The following RTN4 variants were observed in gnomAD, a reference collection of about 807,000 sequenced individuals.
The protein encoded by RTN4 is reticulon 4, also known as reticulon-4.
A neutral mutation model predicts 90.4 loss-of-function variants in RTN4; 32 were observed. The ratio of observed to expected loss-of-function variants is 0.35; its 90% CI spans 0.27 to 0.48. The LOEUF (loss-of-function observed/expected upper bound fraction) is 0.48. Among genes scored for constraint, RTN4 ranks in the 20% least tolerant of loss-of-function variants. RTN4 has a pLI of 0.99. For synonymous variants in RTN4, 629 were observed against 552.5 expected (o/e 1.14, Z -1.94); for missense variants, 1,706 against 1,430.2 (o/e 1.19, Z -3.11).
intron 3 of RTN4, among the ~76,000 whole-genome samples, chr2:55,009,753 C>T (rs1205592056): frequency 6.6e-6 from 1 of 152,148 alleles, no homozygotes; most frequent in Non-Finnish European, 1.5e-5. Context: ...CACTGTGAAA[C>T]ACAAAAACAG....
intron 3 of RTN4, among the ~76,000 whole-genome samples, chr2:55,020,096 A>C (rs1558811925): frequency 6.6e-6 from 1 of 152,202 alleles, no homozygotes; most frequent in East Asian, 1.9e-4. Flanking sequence ...ATGAATCATA[A>C]GAGTTAACAT....
At chr2:55,005,244 G>T (rs1409200847) in intron 3 of RTN4, among the ~76,000 whole-genome samples, 1 of 152,086 alleles carries the variant, frequency 6.6e-6, no homozygotes, top group Non-Finnish European at 1.5e-5. Flanking sequence ...TTTTAATTTC[G>T]CTGTGACACA....
the RTN4 span, among the ~76,000 whole-genome samples, chr2:55,122,810 C>T: frequency 6.6e-6 from 1 of 152,260 alleles, no homozygotes; most frequent in Non-Finnish European, 1.5e-5. Context: ...CACCCATCCC[C>T]AGAGCCTGTC....
intron 1 of RTN4, among the ~76,000 whole-genome samples, chr2:55,105,411 G>A (rs2105061271): frequency 6.6e-6 from 1 of 151,734 alleles, no homozygotes. Context: ...TGTATTTTTA[G>A]TAGAGATGGG....
chr2:55,118,848 T>A, the RTN4 span, among the ~76,000 whole-genome samples: 1 of 152,340 alleles, frequency 6.6e-6, no homozygotes, highest in South Asian at 2.1e-4. Context: ...CCATCAGATA[T>A]GGGTCCCTGA....
intron 3 of RTN4, among the ~76,000 whole-genome samples, chr2:55,021,644 G>C (rs1681449277): frequency 1.3e-5 from 2 of 152,062 alleles, no homozygotes; most frequent in African/African-American, 4.8e-5. Context: ...GCTTTTAACA[G>C]ATGCCTGTTA....
intron 3 of RTN4, among the ~76,000 whole-genome samples, chr2:54,991,225 TA>T (rs910300957): frequency 4.6e-5 from 7 of 152,204 alleles, no homozygotes; most frequent in Non-Finnish European, 8.8e-5. Context: ...TTACCATCAT[TA>T]AAAACTACTC....
chr2:55,026,145 C>G lies in RTN4; in HGVS notation c.1954G>C (p.Glu652Gln). 6.2e-7 allele frequency: 1 copy of G among 1,613,386 alleles called. No homozygotes were observed. Among genetic ancestry groups the G allele is most frequent in the South Asian group, 1.1e-5 (1 of 91,062 alleles). The change falls in exon 3 of 9, where the codon GAG becomes CAG. Residue 652 changes from glutamate to glutamine, a missense_variant. Coordinates refer to ENST00000337526, the MANE Select transcript of RTN4 (RefSeq NM_020532.5). Reference protein sequence around the residue: ...SSVNYESIKHEPENPPPYEEA... With the variant: ...SSVNYESIKHQPENPPPYEEA... ...TCATATGGTGGGGGGTTTTCAGGCT[C>G]ATGTTTTATGCTTTCATAATTAACT...
At chr2:55,035,029 A>T (rs1214248020) in intron 1 of RTN4, among the ~76,000 whole-genome samples, 2 of 152,210 alleles carry the variant, frequency 1.3e-5, no homozygotes, top group African/African-American at 4.8e-5. Context: ...AAATCTGAAT[A>T]TTATAAAATC....
At chr2:55,136,484 T>C in the RTN4 span, among the ~76,000 whole-genome samples, 1 of 152,222 alleles carries the variant, frequency 6.6e-6, no homozygotes, top group Admixed American at 6.5e-5. Context: ...TGTACTTTAC[T>C]TCCTTTTGTT....
chr2:55,082,066 G>A lies in RTN4; in HGVS notation c.-213-1427C>T, dbSNP rs77726459. On this transcript the variant is annotated intron_variant, in intron 1 of 3. Transcript: ENST00000427710. ...CTTTACTTGGTAGAAGGCCTAAACT[G>A]AATTTCAACCCTTGACATAGTCAAG... 3.8e-3 allele frequency among the ~76,000 whole-genome samples: 571 copies of A among 152,152 alleles called. 1 individual carries two copies. Among genetic ancestry groups the A allele is most frequent in the African/African-American group, 0.013 (531 of 41,520 alleles).
chr2:55,037,858 G>C (rs1682797686), intron 1 of RTN4, among the ~76,000 whole-genome samples: 1 of 152,072 alleles, frequency 6.6e-6, no homozygotes, highest in Non-Finnish European at 1.5e-5. Flanking sequence ...TTTGAAAAAA[G>C]ATCAAACTTG....
chr2:55,116,672 T>A (rs56760831), upstream of RTN4, among the ~76,000 whole-genome samples: 3,850 of 152,194 alleles, frequency 0.025, 159 homozygotes, highest in African/African-American at 0.089. Context: ...AGGATGAACT[T>A]ATAGTCACAC....
In RTN4 at chr2:55,049,944, C is replaced by A. The variant is rs773652111; in HGVS notation, c.357G>T (p.Ala119=). 7.4e-7 allele frequency: 1 copy of A among 1,349,942 alleles called. No individual in the cohort carries two copies. Among genetic ancestry groups the A allele is most frequent in the Non-Finnish European group, 9.5e-7 (1 of 1,057,462 alleles). The allele number at this position is 1,349,942 out of a possible 1,614,324, so 83.6% of individuals were successfully genotyped here. A position where few individuals can be genotyped will look rare whatever the true frequency, so the allele number is the denominator to read the frequency against. ...DPSPVSSTVP[A]PSPLSAAAVS... ...CTGCGGCAGCAGACAGCGGGGATGG[C>A]GCGGGCACGGTCGACGACACCGGGC... The change falls in exon 1 of 9, where the codon GCG becomes GCT. Residue 119 remains alanine (A), a synonymous_variant. Transcript: ENST00000337526.
At chr2:55,074,187 T>C (rs1362329646) in intron 2 of RTN4, among the ~76,000 whole-genome samples, 1 of 152,138 alleles carries the variant, frequency 6.6e-6, no homozygotes, top group Non-Finnish European at 1.5e-5. Context: ...TGAAGCTAGG[T>C]CAGAGATGAA....
chr2:55,057,566 T>C (rs754735340), intron 2 of RTN4, among the ~76,000 whole-genome samples: 9 of 152,176 alleles, frequency 5.9e-5, no homozygotes, highest in Non-Finnish European at 1.2e-4. Flanking sequence ...CTAAAGGACC[T>C]TGAAAGTCAC....
chr2:55,050,110 G>C lies in RTN4; in HGVS notation c.191C>G (p.Ser64Cys), dbSNP rs905792284. ...AGGGGCGGTGGGCACTGGGGCCGCG[G>C]ACAGCCCGGCGGCGGGCTTCCTCTC... Reference protein sequence around the residue: ...VLERKPAAGLSAAPVPTAPAA... With the variant: ...VLERKPAAGLCAAPVPTAPAA... Residue 64 changes from serine (S) to cysteine (C), a missense_variant, in exon 1 of 9, where the codon TCC becomes TGC. Ser to Cys is a moderately radical substitution (Grantham distance 112). Coordinates refer to ENST00000337526, the MANE Select transcript of RTN4 (RefSeq NM_020532.5). This position sits in a 1 kb window ranked among gnomAD's most constrained non-coding sequence, Gnocchi z 4.6. 1 of 1,499,254 alleles carries C rather than the reference G, an allele frequency of 6.7e-7. No homozygotes were observed. The highest frequency in any genetic ancestry group is 8.9e-7 in the Non-Finnish European group (1 of 1,128,998). The allele number at this position is 1,499,254 out of a possible 1,614,324, so 92.9% of individuals were successfully genotyped here.
upstream of RTN4, among the ~76,000 whole-genome samples, chr2:55,116,783 TG>T (rs1668133084): frequency 6.6e-6 from 1 of 152,128 alleles, no homozygotes; most frequent in Non-Finnish European, 1.5e-5. Context: ...GGGAAAAGAC[TG>T]GTCAATAACT....
Position 55,026,788 on chromosome 2 carries a change from A to G in RTN4, c.1311T>C (p.Asp437=). The change falls in exon 3 of 9, where the codon GAT becomes GAC. Residue 437 remains aspartate (D), a synonymous_variant. Transcript: ENST00000337526. ...DSLEQTNHEK[D]SESSNDDTSF... ...AAGTATCATCATTACTACTCTCACTATCTTTTTCGTGATTAGTTTGCTCAA... is the reference window on the plus strand; with the variant it reads ...AAGTATCATCATTACTACTCTCACTGTCTTTTTCGTGATTAGTTTGCTCAA... The G allele has an allele frequency of 6.2e-7, 1 of 1,613,838 alleles. No homozygotes were observed. Among genetic ancestry groups the G allele is most frequent in the Non-Finnish European group, 8.5e-7 (1 of 1,179,882 alleles).
Sources: gnomAD v4.1 joint callset for allele counts (sites outside exome capture counted in the v4.1 genomes callset) on GRCh38, gnomAD v4.1.1 for gene constraint, Gnocchi (gnomAD v3.1) non-coding constraint, MANE v1.5 for transcripts, NCBI Gene and HGNC (gene_info 2026-07-23, HGNC 2026-07-21) for gene names.